Variants in MAPK10 observed in about 807,000 individuals in gnomAD.
MAPK10 encodes JNK3 alpha protein kinase.
MAPK10 carries 25 observed loss-of-function variants against 59.3 expected under a neutral mutation model. The ratio of observed to expected loss-of-function variants is 0.42; its 90% confidence interval spans 0.31 to 0.59. The LOEUF is 0.59. Among genes scored for constraint, MAPK10 ranks in the 20% least tolerant of loss-of-function variants. The pLI is 0.15. For missense variants in MAPK10, 351 were observed against 568.9 expected (o/e 0.62, Z 3.90); for synonymous variants, 190 against 200.5 (o/e 0.95, Z 0.44).
intron 2 of MAPK10, among the ~76,000 whole-genome samples, chr4:86,215,573 T>G (rs1448172004): frequency 1.3e-5 from 2 of 152,152 alleles, no homozygotes; most frequent in East Asian, 3.9e-4. Flanking sequence ...TAAAAAATAT[T>G]CAAGTTGGCA....
intron 1 of MAPK10, among the ~76,000 whole-genome samples, chr4:86,388,361 T>C (rs984806515): frequency 6.6e-6 from 1 of 152,226 alleles, no homozygotes; most frequent in African/African-American, 2.4e-5. Flanking sequence ...GTTTGAGTAG[T>C]AACTTATTTC....
intron 1 of MAPK10, among the ~76,000 whole-genome samples, chr4:86,411,295 A>G (rs1388457798): frequency 6.6e-6 from 1 of 152,126 alleles, no homozygotes; most frequent in Non-Finnish European, 1.5e-5. Context: ...GTTCTTTTGC[A>G]TTTGCTGAGG....
At chr4:86,503,137 T>A (rs747458339) in intron 1 of MAPK10, among the ~76,000 whole-genome samples, 4 of 152,144 alleles carry the variant, frequency 2.6e-5, no homozygotes, top group Non-Finnish European at 5.9e-5. Flanking sequence ...GGGTATCATC[T>A]TTCCCAAACA....
intron 2 of MAPK10, among the ~76,000 whole-genome samples, chr4:86,243,357 A>G (rs2092872228): frequency 6.6e-6 from 1 of 152,200 alleles, no homozygotes; most frequent in South Asian, 2.1e-4. Context: ...TCTACTACAT[A>G]TGACTACCAG....
chr4:86,185,261 A>G (rs2077928173), intron 3 of MAPK10, among the ~76,000 whole-genome samples: 1 of 152,172 alleles, frequency 6.6e-6, no homozygotes, highest in Non-Finnish European at 1.5e-5. Flanking sequence ...AACGTTAGAT[A>G]CTGATGTATT....
At chr4:86,543,044 GA>G (rs777196796) in intron 1 of MAPK10, among the ~76,000 whole-genome samples, 4 of 152,200 alleles carry the variant, frequency 2.6e-5, no homozygotes, top group Non-Finnish European at 4.4e-5. Context: ...TTCACGTATA[GA>G]GGGAACCAGT....
chr4:86,526,697 G>C (rs1273478393), intron 1 of MAPK10, among the ~76,000 whole-genome samples: 1 of 152,032 alleles, frequency 6.6e-6, no homozygotes, highest in Non-Finnish European at 1.5e-5. Context: ...TCTTAATGTA[G>C]ACATTTAGTG....
At chr4:86,200,558 A>G (rs1563027390) in intron 2 of MAPK10, among the ~76,000 whole-genome samples, 2 of 151,970 alleles carry the variant, frequency 1.3e-5, no homozygotes, top group African/African-American at 2.4e-5. Flanking sequence ...GCATTTGGAT[A>G]GTTGAGATGT....
intron 9 of MAPK10, among the ~76,000 whole-genome samples, chr4:86,077,561 C>G (rs1385297308): frequency 6.6e-6 from 1 of 152,092 alleles, no homozygotes; most frequent in Non-Finnish European, 1.5e-5. Flanking sequence ...CTTTGAATGA[C>G]TATATCTTCT....
chr4:86,033,127 A>T (rs1339664911), intron 11 of MAPK10, among the ~76,000 whole-genome samples: 1 of 152,220 alleles, frequency 6.6e-6, no homozygotes, highest in Non-Finnish European at 1.5e-5. Flanking sequence ...TAATAGAAAC[A>T]TTCTGACTTA....
chr4:86,156,493 G>A (rs1184451684), intron 4 of MAPK10, among the ~76,000 whole-genome samples: 2 of 151,782 alleles, frequency 1.3e-5, no homozygotes, highest in African/African-American at 4.8e-5. Context: ...AAATAATATG[G>A]CTTCACTTCC....
intron 4 of MAPK10, among the ~76,000 whole-genome samples, chr4:86,129,253 T>A (rs1191327217): frequency 6.6e-6 from 1 of 152,140 alleles, no homozygotes; most frequent in African/African-American, 2.4e-5. Flanking sequence ...ATGGTAGAAT[T>A]TTCTCTTATT....
At chr4:86,285,048 A>G (rs190562125) in intron 2 of MAPK10, among the ~76,000 whole-genome samples, 28 of 152,314 alleles carry the variant, frequency 1.8e-4, no homozygotes, top group Non-Finnish European at 2.8e-4. Context: ...GTAAATAAGC[A>G]ATCCTCATTT....
intron 1 of MAPK10, among the ~76,000 whole-genome samples, chr4:86,567,100 G>C (rs1379656839): frequency 6.6e-6 from 1 of 152,058 alleles, no homozygotes; most frequent in African/African-American, 2.4e-5. Flanking sequence ...ATCATATTCA[G>C]TTTGGTGTAC....
At chr4:86,182,383 G>C (rs948085645) in intron 3 of MAPK10, among the ~76,000 whole-genome samples, 1 of 152,094 alleles carries the variant, frequency 6.6e-6, no homozygotes, top group Admixed American at 6.6e-5. Context: ...ATAGTGAAAA[G>C]CTTAGAAATA....
intron 2 of MAPK10, among the ~76,000 whole-genome samples, chr4:86,336,784 CTTTTTT>C (rs70948788): frequency 1.1e-4 from 9 of 83,064 alleles, no homozygotes; most frequent in South Asian, 5.5e-4. Flanking sequence ...GGAATGACTC[CTTTTTT>C]TTTTTTTTTT....
At chr4:86,076,927 G>A (rs1213214485) in intron 9 of MAPK10, among the ~76,000 whole-genome samples, 1 of 152,070 alleles carries the variant, frequency 6.6e-6, no homozygotes, top group East Asian at 1.9e-4. Context: ...AGCCCTGTGA[G>A]GTTATCAGAA....
At chr4:86,244,264 A>C (rs893145891) in intron 2 of MAPK10, among the ~76,000 whole-genome samples, 2 of 152,212 alleles carry the variant, frequency 1.3e-5, no homozygotes, top group Non-Finnish European at 2.9e-5. Context: ...ACACTCAAAA[A>C]AAATCAACCA....
At chr4:86,520,095 G>C (rs1399243795) in intron 1 of MAPK10, among the ~76,000 whole-genome samples, 1 of 152,120 alleles carries the variant, frequency 6.6e-6, no homozygotes, top group Admixed American at 6.5e-5. Flanking sequence ...TATGTGCCTA[G>C]GTTATAATCT....
Sources: gnomAD v4.1 joint callset for allele counts (sites outside exome capture counted in the v4.1 genomes callset) on GRCh38, gnomAD v4.1.1 for gene constraint, MANE v1.5 for transcripts, NCBI Gene and HGNC (gene_info 2026-07-23, HGNC 2026-07-21) for gene names.